Variants in ISM1 observed in about 807,000 individuals in gnomAD.
ISM1 encodes the protein isthmin 1.
A neutral mutation model predicts 46.3 loss-of-function variants in ISM1; 25 were observed. The ratio of observed to expected loss-of-function variants is 0.54; its 90% CI spans 0.39 to 0.75. The LOEUF (loss-of-function observed/expected upper bound fraction) is 0.75. Ranked by LOEUF, ISM1 falls within the 30% of genes least tolerant of loss-of-function variation. ISM1 has a pLI of 0.00. For synonymous variants in ISM1, 255 were observed against 256.7 expected (o/e 0.99, Z 0.06); for missense variants, 536 against 625.4 (o/e 0.86, Z 1.52).
chr20:13,295,884 T>C (rs1322541538), intron 5 of ISM1, among the ~76,000 whole-genome samples: 1 of 152,172 alleles, frequency 6.6e-6, no homozygotes, highest in Non-Finnish European at 1.5e-5. Context: ...AGGCTGCTGG[T>C]CAGCAAAGCA....
the ISM1 span, among the ~76,000 whole-genome samples, chr20:13,319,179 C>T: frequency 6.6e-6 from 1 of 151,794 alleles, no homozygotes; most frequent in African/African-American, 2.4e-5. Context: ...ACTAAAAATG[C>T]TCTGAAACAA....
At chr20:13,326,580 ATGT>A in the ISM1 span, among the ~76,000 whole-genome samples, 1 of 152,024 alleles carries the variant, frequency 6.6e-6, no homozygotes, top group Non-Finnish European at 1.5e-5. Context: ...GTATCTCAAC[ATGT>A]TGTTAGTTTG....
rs1344669060 is a variant in ISM1, at chr20:13,299,522, C to T, written c.*63C>T. On this transcript the variant is annotated 3_prime_UTR_variant, in exon 6 of 6. Coordinates refer to ENST00000262487, the MANE Select transcript of ISM1 (RefSeq NM_080826.2). The surrounding 1 kb of genome is among the most constrained non-coding windows in gnomAD (Gnocchi z 5.8). ...CTGGAGCACACACGTGCTGCACTGA[C>T]GTGCCGACTGGCGCCGAGACCTTCA... The T allele has an allele frequency of 1.4e-6, 2 of 1,468,426 alleles. No individual in the cohort carries two copies. Among genetic ancestry groups the T allele is most frequent in the South Asian group, 2.5e-5 (2 of 78,802 alleles). The allele number at this position is 1,468,426 out of a possible 1,614,324, so 91.0% of individuals were successfully genotyped here.
At chr20:13,240,637 C>G (rs968654109) in intron 1 of ISM1, among the ~76,000 whole-genome samples, 1 of 152,162 alleles carries the variant, frequency 6.6e-6, no homozygotes, top group Non-Finnish European at 1.5e-5. Flanking sequence ...GGTGAGGAAG[C>G]AGCCATTGAA....
chr20:13,239,630 G>A (rs895464484), intron 1 of ISM1: 1 of 152,174 alleles, frequency 6.6e-6, no homozygotes, highest in Non-Finnish European at 1.5e-5. Flanking sequence ...GAATGCCCAG[G>A]TTGGACCGGG....
At chr20:13,247,541 T>A (rs1171963749) in intron 1 of ISM1, among the ~76,000 whole-genome samples, 1 of 151,624 alleles carries the variant, frequency 6.6e-6, no homozygotes, top group Non-Finnish European at 1.5e-5. Flanking sequence ...TGTGTGTGTG[T>A]GTGTGTGTGT....
At chr20:13,227,609 C>T (rs948733904) in intron 1 of ISM1, among the ~76,000 whole-genome samples, 27 of 151,530 alleles carry the variant, frequency 1.8e-4, no homozygotes, top group East Asian at 1.8e-3. Flanking sequence ...CCTGGCTTCA[C>T]GCCATTCTCC....
At chr20:13,271,255 G>A (rs915119168) in intron 2 of ISM1, among the ~76,000 whole-genome samples, 22 of 152,102 alleles carry the variant, frequency 1.4e-4, no homozygotes, top group African/African-American at 3.9e-4. Context: ...ACAAGCTTCC[G>A]TTACTCTAAA....
At chr20:13,268,218 C>T (rs2123243118) in intron 1 of ISM1, among the ~76,000 whole-genome samples, 2 of 149,710 alleles carry the variant, frequency 1.3e-5, no homozygotes, top group East Asian at 4.0e-4. Flanking sequence ...CTTGCTCCTT[C>T]TCTTTCTCTC....
At chr20:13,273,215 T>TTTTATTTTA (rs1555813221) in intron 2 of ISM1, among the ~76,000 whole-genome samples, 2 of 130,628 alleles carry the variant, frequency 1.5e-5, no homozygotes, top group African/African-American at 6.3e-5. Flanking sequence ...ACTTGGGTCT[T>TTTTATTTTA]TTTTATTTTA....
chr20:13,319,312 A>T, the ISM1 span, among the ~76,000 whole-genome samples: 1 of 152,164 alleles, frequency 6.6e-6, no homozygotes, highest in Non-Finnish European at 1.5e-5. Context: ...TGAACTAGAC[A>T]CTTATCTGGT....
intron 1 of ISM1, among the ~76,000 whole-genome samples, chr20:13,269,455 T>C (rs1333718189): frequency 6.6e-6 from 1 of 152,244 alleles, no homozygotes; most frequent in African/African-American, 2.4e-5. Context: ...TTTTCGTGAC[T>C]TTTTCTTTGG....
chr20:13,311,142 T>C, the ISM1 span, among the ~76,000 whole-genome samples: 37,145 of 151,812 alleles, frequency 0.24, 5,441 homozygotes, highest in African/African-American at 0.41. Context: ...TGCAGTGAGC[T>C]GAGATCATGC....
chr20:13,304,100 A>C (rs1241726486), downstream of ISM1, among the ~76,000 whole-genome samples: 1 of 152,212 alleles, frequency 6.6e-6, no homozygotes, highest in Non-Finnish European at 1.5e-5. Context: ...CAAAAGGTAG[A>C]AAGCAGGGAG....
chr20:13,303,182 A>T (rs1173274114), downstream of ISM1, among the ~76,000 whole-genome samples: 1 of 152,204 alleles, frequency 6.6e-6, no homozygotes, highest in Non-Finnish European at 1.5e-5. Context: ...GCAGTGTCTG[A>T]TCACCAAAGC....
intron 1 of ISM1, among the ~76,000 whole-genome samples, chr20:13,253,338 G>C (rs1240175881): frequency 6.9e-6 from 1 of 145,614 alleles, no homozygotes; most frequent in African/African-American, 2.6e-5. Context: ...GCATTCCTGA[G>C]GAGTGGGTGA....
intron 1 of ISM1, among the ~76,000 whole-genome samples, chr20:13,235,575 A>G (rs77345830): frequency 0.025 from 3,836 of 152,280 alleles, 163 homozygotes; most frequent in African/African-American, 0.086. Flanking sequence ...GCCACTGAGA[A>G]GTTAGAGCTG....
At chr20:13,248,464 T>G (rs6041972) in intron 1 of ISM1, among the ~76,000 whole-genome samples, 14 of 152,346 alleles carry the variant, frequency 9.2e-5, no homozygotes, top group African/African-American at 3.4e-4. Context: ...GACATACTGC[T>G]TCAAGATCAA....
chr20:13,295,264 C>T (rs147096777), intron 5 of ISM1, among the ~76,000 whole-genome samples: 2,280 of 152,314 alleles, frequency 0.015, 25 homozygotes, highest in Non-Finnish European at 0.024. Context: ...CCATCATTAT[C>T]GGCTCTGAAT....
Sources: allele counts gnomAD v4.1 joint callset (sites outside exome capture counted in the v4.1 genomes callset), GRCh38; gene constraint gnomAD v4.1.1; non-coding constraint Gnocchi (gnomAD v3.1); transcripts MANE v1.5; gene names NCBI Gene and HGNC (gene_info 2026-07-23, HGNC 2026-07-21).